The following CEP128 variants were observed in gnomAD, a reference collection of about 807,000 sequenced individuals.
CEP128 encodes the protein centrosomal protein 128kDa.
CEP128 carries 132 observed loss-of-function variants against 156.7 expected under a neutral mutation model. The observed-to-expected ratio is 0.84, with a 90% confidence interval of 0.73 to 0.97. The LOEUF is 0.97. Among genes scored for constraint, CEP128 ranks in the 50% least tolerant of loss-of-function variants. The pLI, the probability that CEP128 is intolerant of heterozygous loss-of-function variation, is 0.00. For synonymous variants in CEP128, 469 were observed against 448.9 expected (o/e 1.04, Z -0.57); for missense variants, 1,252 against 1,281.9 (o/e 0.98, Z 0.36).
intron 19 of CEP128, among the ~76,000 whole-genome samples, chr14:80,721,265 T>A (rs893345007): frequency 6.6e-6 from 1 of 152,184 alleles, no homozygotes; most frequent in African/African-American, 2.4e-5. Context: ...CAAAGAGAAC[T>A]CGACAACCCT....
rs182877467 is a variant in CEP128, at chr14:80,919,683, A to C, written c.-15-3121T>G. ...ATCTGAATTTAACTCTAAAGCAGAAAATCTTACTGGTATTAAAAAAAATTA... is the reference window on the plus strand; with the variant it reads ...ATCTGAATTTAACTCTAAAGCAGAACATCTTACTGGTATTAAAAAAAATTA... On this transcript the variant is annotated intron_variant, in intron 2 of 24. Coordinates refer to ENST00000555265, the MANE Select transcript of CEP128 (RefSeq NM_152446.5). Among the ~76,000 whole-genome samples the C allele has an allele frequency of 1.4e-3, 216 of 152,314 alleles. 2 individuals are homozygous for C. Among genetic ancestry groups the C allele is most frequent in the African/African-American group, 5.1e-3 (211 of 41,558 alleles).
At chr14:80,653,556 A>G (rs1437582905) in intron 19 of CEP128, among the ~76,000 whole-genome samples, 1 of 152,152 alleles carries the variant, frequency 6.6e-6, no homozygotes, top group Non-Finnish European at 1.5e-5. Flanking sequence ...GCCATCTAGG[A>G]CTTTCATAGC....
intron 14 of CEP128, among the ~76,000 whole-genome samples, chr14:80,786,466 TTA>T (rs1203209988): frequency 6.6e-6 from 1 of 152,138 alleles, no homozygotes; most frequent in Non-Finnish European, 1.5e-5. Context: ...GTAAAACAAT[TTA>T]TGACAAAAAT....
chr14:80,577,456 C>G (rs937499065), intron 20 of CEP128, among the ~76,000 whole-genome samples: 4 of 152,128 alleles, frequency 2.6e-5, no homozygotes, highest in Admixed American at 2.6e-4. Flanking sequence ...GTTGCCGAAT[C>G]GAGAAACACA....
rs115536488 is a variant in CEP128, at chr14:80,785,404, G to T, written c.1702C>A (p.Arg568Ser). 1 of 1,614,018 alleles carries T rather than the reference G, an allele frequency of 6.2e-7. No homozygotes were observed. The highest frequency in any genetic ancestry group is 8.5e-7 in the Non-Finnish European group (1 of 1,179,974). ...TCAGCTTGATGAGACTTAATATCAC[G>T]TAATTTCTCCTCCTTGGAGTGAAGC... The part of the protein sequence containing the change: ...EELHSKEEKL[R>S]DIKSHQADLE... The change falls in exon 15 of 25, where the codon CGT becomes AGT. Residue 568 changes from arginine (R) to serine (S), a missense_variant. Transcript: ENST00000555265.
At chr14:80,920,251 A>C (rs991881097) in intron 2 of CEP128, among the ~76,000 whole-genome samples, 4 of 152,112 alleles carry the variant, frequency 2.6e-5, no homozygotes, top group Non-Finnish European at 1.5e-5. Context: ...CTTACCAAGA[A>C]TCTCCGATCT....
intron 20 of CEP128, among the ~76,000 whole-genome samples, chr14:80,561,862 T>C (rs1228446404): frequency 1.3e-5 from 2 of 149,934 alleles, no homozygotes; most frequent in African/African-American, 5.0e-5. Flanking sequence ...ACTCAAATGG[T>C]CAAGACAACT....
chr14:80,903,034 A>C (rs1883671773), intron 6 of CEP128, among the ~76,000 whole-genome samples: 1 of 152,212 alleles, frequency 6.6e-6, no homozygotes, highest in South Asian at 2.1e-4. Context: ...AGAATGACAA[A>C]AGACCCCATA....
In CEP128 at chr14:80,900,004, C is replaced by A. The variant is rs771837070; in HGVS notation, c.506G>T (p.Arg169Leu). 7 of 1,612,568 alleles carry A rather than the reference C, an allele frequency of 4.3e-6. No individual in the cohort carries two copies. In the African/African-American group the frequency reaches 9.4e-5, roughly 22 times the overall value. Reference sequence around the variant, plus strand: ...GCGAATTTGTTCACTGCTGAGGTCTCGAAGAGACTGATGAAAACCATGAAG... The same window carrying A: ...GCGAATTTGTTCACTGCTGAGGTCTAGAAGAGACTGATGAAAACCATGAAG... ...TQLHGFHQSL[R>L]DLSSEQIRLG... Residue 169 changes from arginine (R) to leucine (L), a missense_variant, in exon 7 of 25, where the codon CGA (arginine) becomes CTA (leucine). Transcript: ENST00000555265.
At position 80,792,754 on chromosome 14, in the gene CEP128, T is replaced by G. The variant is rs1461252591; in HGVS notation, c.1560+6A>C. 6.2e-7 allele frequency: 1 copy of G among 1,611,186 alleles called. No individual in the cohort carries two copies. Among genetic ancestry groups the G allele is most frequent in the East Asian group, 2.2e-5 (1 of 44,862 alleles). Reference sequence around the variant, plus strand: ...AAACCGTTCCTTAGGAATGTGGCTTTTATACCTGATTATTCTTGCCTGTCA... The same window carrying G: ...AAACCGTTCCTTAGGAATGTGGCTTGTATACCTGATTATTCTTGCCTGTCA... On this transcript the variant is annotated splice_donor_region_variant and intron_variant, in intron 14 of 24. Coordinates refer to ENST00000555265, the MANE Select transcript of CEP128 (RefSeq NM_152446.5).
chr14:80,763,696 T>C (rs327465), intron 16 of CEP128, among the ~76,000 whole-genome samples: 75,725 of 151,966 alleles, frequency 0.5, 19,486 homozygotes, highest in African/African-American at 0.6. Flanking sequence ...AAATAAACTG[T>C]TAATTTCAGG....
chr14:80,502,576 T>C (rs956494572), intron 24 of CEP128, among the ~76,000 whole-genome samples: 1 of 152,220 alleles, frequency 6.6e-6, no homozygotes, highest in Non-Finnish European at 1.5e-5. Flanking sequence ...TTTCTGGTTT[T>C]CTTTACTCTT....
intron 13 of CEP128, among the ~76,000 whole-genome samples, chr14:80,815,308 G>A (rs1884787496): frequency 6.6e-6 from 1 of 152,116 alleles, no homozygotes; most frequent in Non-Finnish European, 1.5e-5. Flanking sequence ...ACAAGCATAT[G>A]AAAAAATGCC....
chr14:80,520,885 C>T (rs566922475), intron 23 of CEP128, among the ~76,000 whole-genome samples: 22 of 152,014 alleles, frequency 1.4e-4, no homozygotes, highest in Non-Finnish European at 2.2e-4. Context: ...TGCAGTGGCA[C>T]GATCTCGGCT....
At chr14:80,897,421 C>T (rs1015963809) in intron 7 of CEP128, among the ~76,000 whole-genome samples, 1 of 152,178 alleles carries the variant, frequency 6.6e-6, no homozygotes, top group Admixed American at 6.5e-5. Context: ...TTTACCTCAA[C>T]AGAGACTTTT....
At position 80,838,273 on chromosome 14, in the gene CEP128, T is replaced by C; in HGVS notation, c.855A>G (p.Glu285=). 2.5e-6 allele frequency: 4 copies of C among 1,612,274 alleles called. No individual in the cohort carries two copies. Among genetic ancestry groups the C allele is most frequent in the Non-Finnish European group, 3.4e-6 (4 of 1,178,784 alleles). ...ACCTTCGAGATAGCTCCAATTCCTG[T>C]TCAAGCTAGAGTTTCAACAAAGGAT... ...RQTETEKNQL[E]QELELSRRLL... The change falls in exon 11 of 25, where the codon GAA becomes GAG. Residue 285 remains glutamate (E), a synonymous_variant. Transcript: ENST00000555265.
chr14:80,635,251 A>G (rs536232828), intron 19 of CEP128, among the ~76,000 whole-genome samples: 14 of 152,336 alleles, frequency 9.2e-5, no homozygotes, highest in African/African-American at 3.1e-4. Context: ...TCAATTATAG[A>G]TGAGACACTT....
chr14:80,526,690 G>C (rs1888986846), intron 23 of CEP128, 179 bp downstream of exon 23: 1 of 461,400 alleles, frequency 2.2e-6, no homozygotes, highest in Non-Finnish European at 3.9e-6. Context: ...AATGTGGTAG[G>C]CACAAACTCT....
chr14:80,507,096 A>G (rs911468586), intron 23 of CEP128, among the ~76,000 whole-genome samples: 1 of 151,704 alleles, frequency 6.6e-6, no homozygotes, highest in African/African-American at 2.4e-5. Flanking sequence ...GCCATGAGTA[A>G]AAGTTCCCTG....
Sources: allele counts gnomAD v4.1 joint callset (sites outside exome capture counted in the v4.1 genomes callset), GRCh38; gene constraint gnomAD v4.1.1; transcripts MANE v1.5; gene names NCBI Gene and HGNC (gene_info 2026-07-23, HGNC 2026-07-21).